The following EYA4 variants were observed in gnomAD, a reference collection of about 807,000 sequenced individuals.
EYA4 encodes EYA transcriptional coactivator and phosphatase 4.
In EYA4, 31 loss-of-function variants were observed where a neutral mutation model predicts 87.9. The observed-to-expected ratio is 0.35, with a 90% CI of 0.27 to 0.48. The LOEUF (loss-of-function observed/expected upper bound fraction) is 0.48, where lower values mean the gene tolerates loss of function less well. Among genes scored for constraint, EYA4 ranks in the 20% least tolerant of loss-of-function variants. The pLI, the probability that EYA4 is intolerant of heterozygous loss-of-function variation, is 0.99. For synonymous variants in EYA4, 263 were observed against 270.6 expected, an observed-to-expected ratio of 0.97 and a Z score of 0.28; for missense variants, 678 against 761.4, an observed-to-expected ratio of 0.89 and a Z score of 1.29.
At chr6:133,449,987 A>G (rs1793261567) in intron 5 of EYA4, among the ~76,000 whole-genome samples, 1 of 152,020 alleles carries the variant, frequency 6.6e-6, no homozygotes, top group African/African-American at 2.4e-5. Context: ...ATGAATTTCA[A>G]TGACTTTTTT....
intron 1 of EYA4, among the ~76,000 whole-genome samples, chr6:133,254,086 A>G (rs1290325419): frequency 2.6e-5 from 4 of 152,122 alleles, no homozygotes; most frequent in African/African-American, 9.7e-5. Flanking sequence ...TTAAAGCCTC[A>G]TTTGTACCAA....
intron 11 of EYA4, among the ~76,000 whole-genome samples, chr6:133,478,042 A>G (rs1795893899): frequency 6.6e-6 from 1 of 152,118 alleles, no homozygotes; most frequent in African/African-American, 2.4e-5. Flanking sequence ...TTAAAACCAC[A>G]GTGAGATACC....
At chr6:133,357,227 C>T (rs1183853982) in intron 2 of EYA4, among the ~76,000 whole-genome samples, 8 of 141,182 alleles carry the variant, frequency 5.7e-5, no homozygotes, top group South Asian at 4.4e-4. Context: ...GCCGAGATCC[C>T]GCCACTGCAC....
intron 2 of EYA4, among the ~76,000 whole-genome samples, chr6:133,316,221 C>T (rs1456272736): frequency 6.6e-6 from 1 of 152,004 alleles, no homozygotes; most frequent in Non-Finnish European, 1.5e-5. Flanking sequence ...TTAGTGAAGG[C>T]CTATTTAGAG....
chr6:133,523,282 A>G (rs564763044), intron 18 of EYA4, 105 bp downstream of exon 18: 10 of 1,232,374 alleles, frequency 8.1e-6, no homozygotes, highest in Non-Finnish European at 1.2e-5. Flanking sequence ...ACAAATTTGG[A>G]TAAAGTTCAA....
intron 2 of EYA4, among the ~76,000 whole-genome samples, chr6:133,286,270 G>A (rs1019421919): frequency 6.6e-5 from 10 of 152,152 alleles, no homozygotes; most frequent in Admixed American, 3.3e-4. Flanking sequence ...CTAATTAAAC[G>A]CATGTGAAAT....
At chr6:133,482,347 A>G (rs1245597936) in intron 12 of EYA4, among the ~76,000 whole-genome samples, 2 of 152,198 alleles carry the variant, frequency 1.3e-5, no homozygotes, top group Non-Finnish European at 2.9e-5. Context: ...GATGATATAA[A>G]TGAGTGACCG....
At chr6:133,391,222 G>GTTTTTTTTTTTTTTTTTTT (rs531819011) in intron 3 of EYA4, among the ~76,000 whole-genome samples, 19 of 89,826 alleles carry the variant, frequency 2.1e-4, no homozygotes, top group African/African-American at 6.0e-4. Flanking sequence ...TTTTGTTTTT[G>GTTTTTTTTTTTTTTTTTTT]TTTTTTTTTT....
chr6:133,384,768 A>G (rs550222022), intron 3 of EYA4, among the ~76,000 whole-genome samples: 9 of 152,284 alleles, frequency 5.9e-5, no homozygotes, highest in African/African-American at 1.9e-4. Context: ...ACTGGCACTT[A>G]ATGTATTGAT....
At chr6:133,348,195 T>C (rs1285263231) in intron 2 of EYA4, among the ~76,000 whole-genome samples, 1 of 151,704 alleles carries the variant, frequency 6.6e-6, no homozygotes, top group African/African-American at 2.4e-5. Flanking sequence ...TTTTGAAGCC[T>C]TCAGACCCAT....
At chr6:133,500,740 C>A (rs140823401) in intron 13 of EYA4, among the ~76,000 whole-genome samples, 99 of 152,254 alleles carry the variant, frequency 6.5e-4, no homozygotes, top group African/African-American at 2.3e-3. Context: ...GGACTTCTTT[C>A]GCTAAGCCAC....
intron 3 of EYA4, among the ~76,000 whole-genome samples, chr6:133,405,101 C>T (rs1788592571): frequency 6.6e-6 from 1 of 152,072 alleles, no homozygotes; most frequent in Non-Finnish European, 1.5e-5. Context: ...CTTTTCCATC[C>T]ACTCCTTCAG....
intron 3 of EYA4, among the ~76,000 whole-genome samples, chr6:133,388,769 A>C (rs908409169): frequency 1.3e-5 from 2 of 152,174 alleles, no homozygotes. Context: ...TCACAGTGGC[A>C]TTTCTTCATT....
chr6:133,515,305 T>C lies in EYA4; in HGVS notation c.1502-16T>C. 1.4e-6 allele frequency: 2 copies of C among 1,388,982 alleles called. No individual in the cohort carries two copies. Among genetic ancestry groups the C allele is most frequent in the South Asian group, 2.3e-5 (2 of 86,586 alleles). The allele number at this position is 1,388,982 out of a possible 1,614,324, so 86.0% of individuals were successfully genotyped here. A position where few individuals can be genotyped will look rare whatever the true frequency, so the allele number is the denominator to read the frequency against. ...TATTCATCTCTCGACTCTGCCTTGGTTTTTTGGTGTTGCAGGACTCCTTGG... is the reference window on the plus strand; with the variant it reads ...TATTCATCTCTCGACTCTGCCTTGGCTTTTTGGTGTTGCAGGACTCCTTGG... On this transcript the variant is annotated splice_polypyrimidine_tract_variant and intron_variant, in intron 16 of 19. Transcript: ENST00000355286.
chr6:133,452,680 G>A (rs2128635602), intron 5 of EYA4, among the ~76,000 whole-genome samples: 1 of 152,090 alleles, frequency 6.6e-6, no homozygotes, highest in East Asian at 1.9e-4. Flanking sequence ...TAAAAAAATG[G>A]AAAAGCCAAT....
intron 13 of EYA4, among the ~76,000 whole-genome samples, chr6:133,497,625 C>A (rs1299732516): frequency 1.3e-5 from 2 of 152,026 alleles, no homozygotes; most frequent in African/African-American, 4.8e-5. Flanking sequence ...GGATGTAGAC[C>A]AGGAATCATC....
intron 3 of EYA4, among the ~76,000 whole-genome samples, chr6:133,432,883 A>G (rs1251380901): frequency 3.9e-5 from 6 of 152,258 alleles, no homozygotes; most frequent in South Asian, 2.1e-4. Flanking sequence ...ATGCCTGTCT[A>G]TGGAAGAGTC....
chr6:133,319,911 G>A (rs1388837818), intron 2 of EYA4, among the ~76,000 whole-genome samples: 4 of 151,794 alleles, frequency 2.6e-5, no homozygotes, highest in Admixed American at 1.3e-4. Context: ...TAGAGACAGA[G>A]TTTTGTAGCC....
intron 2 of EYA4, among the ~76,000 whole-genome samples, chr6:133,347,467 T>C (rs575887638): frequency 6.6e-6 from 1 of 152,326 alleles, no homozygotes; most frequent in Non-Finnish European, 1.5e-5. Context: ...AGTGGTAATG[T>C]ACATTTAAAA....
Sources: allele counts gnomAD v4.1 joint callset (sites outside exome capture counted in the v4.1 genomes callset), GRCh38; gene constraint gnomAD v4.1.1; transcripts MANE v1.5; gene names NCBI Gene and HGNC (gene_info 2026-07-23, HGNC 2026-07-21).